RB1: variants seen among roughly 807,000 people sequenced by gnomAD.
The protein encoded by RB1 is RB transcriptional corepressor 1.
In RB1, 18 loss-of-function variants were observed where a neutral mutation model predicts 135.4. The observed-to-expected ratio is 0.13, with a 90% confidence interval of 0.09 to 0.20. RB1 has a LOEUF of 0.20. Among genes scored for constraint, RB1 ranks in the 10% least tolerant of loss-of-function variants. The pLI is 1.00. For missense variants in RB1, 868 were observed against 1,110.0 expected, an observed-to-expected ratio of 0.78 and a Z score of 3.10; for synonymous variants, 365 against 373.2, an observed-to-expected ratio of 0.98 and a Z score of 0.25.
chr13:48,414,281 A>G (rs577086962), intron 17 of RB1, among the ~76,000 whole-genome samples: 1 of 151,370 alleles, frequency 6.6e-6, no homozygotes, highest in Non-Finnish European at 1.5e-5. Flanking sequence ...TGGGAGGCAG[A>G]TGTTGCAGTG....
intron 17 of RB1, among the ~76,000 whole-genome samples, chr13:48,421,055 CA>C (rs1158863781): frequency 6.6e-6 from 1 of 151,864 alleles, no homozygotes; most frequent in African/African-American, 2.4e-5. Context: ...CATATGGAAC[CA>C]AAAAAGCCCA....
At chr13:48,381,528 A>G in intron 17 of RB1, 85 bp downstream of exon 17, 6 of 1,225,290 alleles carry the variant, frequency 4.9e-6, no homozygotes, top group South Asian at 1.3e-5. Context: ...CTTAACATCT[A>G]CCTCAAGAAC....
chr13:48,446,172 G>T (rs1306727318), intron 17 of RB1, among the ~76,000 whole-genome samples: 1 of 151,980 alleles, frequency 6.6e-6, no homozygotes, highest in Non-Finnish European at 1.5e-5. Flanking sequence ...TGGCCAGGCT[G>T]GTCTTGAACT....
intron 11 of RB1, among the ~76,000 whole-genome samples, chr13:48,370,197 G>A (rs936845201): frequency 2.6e-5 from 4 of 152,118 alleles, no homozygotes; most frequent in African/African-American, 9.7e-5. Flanking sequence ...CAAAGGGCTG[G>A]AATTGTGAAA....
Position 48,423,305 on chromosome 13 carries a change from T to C in RB1, c.1696-29688T>C, listed in dbSNP as rs183773712. Among the ~76,000 whole-genome samples the C allele has an allele frequency of 1.1e-4, 17 of 152,204 alleles. No homozygotes were observed. The South Asian group carries it at 2.7e-3, about 24-fold the overall frequency. ...TTTTTGTGTTTTTGAGACGGAGTCTTGCTCTGTCATCCAGGCTGGAGTGCA... is the reference window on the plus strand; with the variant it reads ...TTTTTGTGTTTTTGAGACGGAGTCTCGCTCTGTCATCCAGGCTGGAGTGCA... On this transcript the variant is annotated intron_variant, in intron 17 of 26. Transcript: ENST00000267163.
intron 17 of RB1, among the ~76,000 whole-genome samples, chr13:48,447,879 T>G (rs1949299683): frequency 6.6e-6 from 1 of 152,336 alleles, no homozygotes; most frequent in African/African-American, 2.4e-5. Flanking sequence ...AATGCCACCT[T>G]AATCCTTGGA....
intron 17 of RB1, among the ~76,000 whole-genome samples, chr13:48,410,541 C>T (rs77377498): frequency 1.3e-3 from 202 of 152,214 alleles, no homozygotes; most frequent in African/African-American, 4.8e-3. Context: ...GATGTTTCTC[C>T]GACCTAACAT....
intron 4 of RB1, 39 bp from the exon 5 acceptor site, chr13:48,347,786 C>G (rs201796447): frequency 6.9e-7 from 1 of 1,450,074 alleles, no homozygotes; most frequent in South Asian, 1.2e-5. Flanking sequence ...TTCTAAATTA[C>G]GAAAAAATGT....
At chr13:48,369,898 C>G (rs1952740525) in intron 11 of RB1, among the ~76,000 whole-genome samples, 1 of 152,050 alleles carries the variant, frequency 6.6e-6, no homozygotes, top group African/African-American at 2.4e-5. Context: ...TTACTAATAC[C>G]CAAAATAGCC....
intron 2 of RB1, among the ~76,000 whole-genome samples, chr13:48,320,837 GA>G (rs531135502): frequency 0.014 from 1,474 of 108,764 alleles, 20 homozygotes; most frequent in African/African-American, 0.041. Context: ...TCTCAAAAAA[GA>G]AAAAAAAAAA....
rs572449744 is a variant in RB1 at position 48,313,284 on chromosome 13, C to T, written c.264+5878C>T. On this transcript the variant is annotated intron_variant, in intron 2 of 26. Transcript: ENST00000267163. ...TAAGATATATTATTTGCAGACTTTT[C>T]CCCCCATTCTGTGAGTTGCCTTTTC... is the stretch of plus-strand genomic sequence containing the variant. Among the ~76,000 whole-genome samples the T allele has an allele frequency of 3.2e-4, 49 of 151,958 alleles. 2 individuals carry two copies. In the South Asian group the frequency reaches 0.01, roughly 32 times the overall value.
At chr13:48,322,062 T>C (rs558987590) in intron 2 of RB1, among the ~76,000 whole-genome samples, 1 of 152,332 alleles carries the variant, frequency 6.6e-6, no homozygotes, top group South Asian at 2.1e-4. Flanking sequence ...CTTTTTAGTT[T>C]AAGTCCCATT....
intron 17 of RB1, among the ~76,000 whole-genome samples, chr13:48,397,780 A>G (rs575526471): frequency 6.6e-6 from 1 of 152,320 alleles, no homozygotes; most frequent in Admixed American, 6.5e-5. Context: ...AAACTTATAA[A>G]CAAAATTTTA....
At chr13:48,390,101 T>C (rs1312825961) in intron 17 of RB1, among the ~76,000 whole-genome samples, 1 of 152,116 alleles carries the variant, frequency 6.6e-6, no homozygotes, top group Non-Finnish European at 1.5e-5. Context: ...GAGCTGTGAT[T>C]GCACCACAGC....
intron 7 of RB1, chr13:48,360,796 C>T (rs1475986876): frequency 6.6e-6 from 1 of 152,040 alleles, no homozygotes; most frequent in East Asian, 1.9e-4. Context: ...AGTAGGATTT[C>T]AAAGTCACTT....
At chr13:48,323,627 C>A (rs915421972) in intron 2 of RB1, among the ~76,000 whole-genome samples, 1 of 152,024 alleles carries the variant, frequency 6.6e-6, no homozygotes, top group Non-Finnish European at 1.5e-5. Flanking sequence ...ATGTAATAGT[C>A]AGATATATCT....
intron 6 of RB1, among the ~76,000 whole-genome samples, chr13:48,355,767 G>A (rs1483752876): frequency 1.3e-5 from 2 of 151,940 alleles, no homozygotes; most frequent in African/African-American, 2.4e-5. Flanking sequence ...AGTCATTTGC[G>A]ACAACATAGA....
rs191596900 is a variant in RB1 at position 48,374,798 on chromosome 13, T to A, written c.1215+1306T>A. ...AAATTCTGCCTCAAAGACTTTTTTT[T>A]AAACTTGGAAACTATATGATCTTTT... On this transcript the variant is annotated intron_variant, in intron 12 of 26. Transcript: ENST00000267163. 5.1e-3 allele frequency among the ~76,000 whole-genome samples: 774 copies of A among 152,250 alleles called. 7 individuals are homozygous for A. The highest frequency in any genetic ancestry group is 0.018 in the African/African-American group (745 of 41,544).
intron 6 of RB1, among the ~76,000 whole-genome samples, chr13:48,356,350 T>C (rs947759417): frequency 1.3e-5 from 2 of 152,020 alleles, no homozygotes; most frequent in African/African-American, 4.8e-5. Flanking sequence ...AATATAAAAA[T>C]TAATTTCACT....
Sources: allele counts gnomAD v4.1 joint callset (sites outside exome capture counted in the v4.1 genomes callset), GRCh38; gene constraint gnomAD v4.1.1; transcripts MANE v1.5; gene names NCBI Gene and HGNC (gene_info 2026-07-23, HGNC 2026-07-21).